The following WWOX variants were observed in gnomAD, a reference collection of about 807,000 sequenced individuals.
WWOX encodes the protein WW domain containing oxidoreductase.
A neutral mutation model predicts 46.2 loss-of-function variants in WWOX; 69 were observed. The observed-to-expected ratio is 1.49, with a 90% CI of 1.23 to 1.82. WWOX has a LOEUF of 1.82. Among genes scored for constraint, WWOX ranks in the 40% most tolerant of loss-of-function variants. The pLI, the probability that WWOX is intolerant of heterozygous loss-of-function variation, is 0.00. For missense variants in WWOX, 919 were observed against 542.6 expected, an observed-to-expected ratio of 1.69 and a Z score of -6.89; for synonymous variants, 359 against 202.6, an observed-to-expected ratio of 1.77 and a Z score of -6.56.
At chr16:79,071,279 G>A (rs553489668) in intron 8 of WWOX, among the ~76,000 whole-genome samples, 4 of 152,276 alleles carry the variant, frequency 2.6e-5, no homozygotes, top group African/African-American at 4.8e-5. Context: ...TTGACAACCT[G>A]ACAATGACTT....
At chr16:78,215,023 C>T (rs533694812) in intron 5 of WWOX, among the ~76,000 whole-genome samples, 11 of 152,144 alleles carry the variant, frequency 7.2e-5, no homozygotes, top group African/African-American at 2.6e-4. Context: ...CAATATGGGC[C>T]AAAGTTCAGT....
intron 6 of WWOX, among the ~76,000 whole-genome samples, chr16:78,394,305 C>T (rs1381917237): frequency 6.6e-6 from 1 of 152,098 alleles, no homozygotes; most frequent in Non-Finnish European, 1.5e-5. Flanking sequence ...CAGTTTTTTG[C>T]TCTAATGAAT....
chr16:78,624,928 T>A (rs1243765187), intron 8 of WWOX, among the ~76,000 whole-genome samples: 2 of 152,182 alleles, frequency 1.3e-5, no homozygotes, highest in African/African-American at 4.8e-5. Context: ...AAAACCCTGT[T>A]CATTTTACCT....
At chr16:79,074,488 G>A (rs2048616713) in intron 8 of WWOX, among the ~76,000 whole-genome samples, 1 of 136,592 alleles carries the variant, frequency 7.3e-6, no homozygotes, top group South Asian at 2.4e-4. Context: ...CCATCAATGG[G>A]CAGTGTGGGG....
intron 8 of WWOX, among the ~76,000 whole-genome samples, chr16:78,613,194 C>T (rs1000140349): frequency 7.9e-5 from 12 of 152,128 alleles, no homozygotes; most frequent in Admixed American, 5.2e-4. Context: ...CCCATCACCC[C>T]GATCACATGA....
chr16:78,726,589 A>G (rs574172392), intron 8 of WWOX, among the ~76,000 whole-genome samples: 1 of 152,288 alleles, frequency 6.6e-6, no homozygotes, highest in South Asian at 2.1e-4. Context: ...TAGTAGGTAA[A>G]TTAATGGAGG....
intron 8 of WWOX, among the ~76,000 whole-genome samples, chr16:78,534,215 G>A (rs749195217): frequency 2.6e-5 from 4 of 152,172 alleles, no homozygotes; most frequent in African/African-American, 4.8e-5. Flanking sequence ...TCTGAGTCTT[G>A]TCAAATACCA....
chr16:78,256,254 C>T (rs574724618), intron 5 of WWOX, among the ~76,000 whole-genome samples: 67 of 151,636 alleles, frequency 4.4e-4, no homozygotes, highest in African/African-American at 1.5e-3. Flanking sequence ...CTGTCTACCA[C>T]ACCATGAGAC....
At chr16:78,370,918 T>C (rs1042349720) in intron 5 of WWOX, among the ~76,000 whole-genome samples, 1 of 151,920 alleles carries the variant, frequency 6.6e-6, no homozygotes, top group East Asian at 1.9e-4. Flanking sequence ...TTTCTAAAAA[T>C]TTTGTTTCCT....
intron 8 of WWOX, among the ~76,000 whole-genome samples, chr16:78,961,505 G>C (rs1234539448): frequency 6.6e-6 from 1 of 152,002 alleles, no homozygotes; most frequent in African/African-American, 2.4e-5. Flanking sequence ...GGATGCGTGG[G>C]TGTGTGGAAT....
At chr16:79,028,132 G>C (rs2047682378) in intron 8 of WWOX, among the ~76,000 whole-genome samples, 1 of 151,666 alleles carries the variant, frequency 6.6e-6, no homozygotes, top group Non-Finnish European at 1.5e-5. Flanking sequence ...TGTATTTTCA[G>C]CAGAGACGGG....
At chr16:78,459,286 G>C (rs2083897618) in intron 8 of WWOX, among the ~76,000 whole-genome samples, 1 of 152,142 alleles carries the variant, frequency 6.6e-6, no homozygotes, top group Non-Finnish European at 1.5e-5. Flanking sequence ...TTTTCACCAG[G>C]CTCCAAGAAA....
chr16:78,470,180 C>T (rs903977002), intron 8 of WWOX, among the ~76,000 whole-genome samples: 2 of 152,160 alleles, frequency 1.3e-5, no homozygotes, highest in African/African-American at 4.8e-5. Flanking sequence ...CTGCTGTTGT[C>T]TGCACAAAGC....
At chr16:78,888,687 G>C (rs542378554) in intron 8 of WWOX, among the ~76,000 whole-genome samples, 1 of 152,156 alleles carries the variant, frequency 6.6e-6, no homozygotes, top group African/African-American at 2.4e-5. Context: ...CTTGTGGCTG[G>C]ATGTAGAATC....
chr16:79,189,027 CAG>C (rs2051075259), intron 8 of WWOX, among the ~76,000 whole-genome samples: 1 of 151,906 alleles, frequency 6.6e-6, no homozygotes. Flanking sequence ...GAAGAGTTGA[CAG>C]AGATTTGCAG....
intron 5 of WWOX, among the ~76,000 whole-genome samples, chr16:78,175,465 A>T (rs141516209): frequency 6.6e-6 from 1 of 152,226 alleles, no homozygotes; most frequent in East Asian, 1.9e-4. Context: ...ATGGCCGGGT[A>T]TGACTCCTGA....
intron 8 of WWOX, among the ~76,000 whole-genome samples, chr16:78,836,630 A>G (rs888330000): frequency 1.4e-4 from 21 of 152,126 alleles, no homozygotes; most frequent in African/African-American, 3.6e-4. Context: ...AATTCTTGCT[A>G]CCATCCTTGA....
chr16:78,917,991 C>G (rs1005677288), intron 8 of WWOX, among the ~76,000 whole-genome samples: 2 of 152,086 alleles, frequency 1.3e-5, no homozygotes. Context: ...CACTTGAGGC[C>G]AGGAGTTTGA....
Position 79,137,313 on chromosome 16 carries a change from G to C in WWOX, c.1057-74295G>C, listed in dbSNP as rs909439012. On this transcript the variant is annotated intron_variant, in intron 8 of 8. Coordinates refer to ENST00000566780, the MANE Select transcript of WWOX (RefSeq NM_016373.4). ...ACATGGAGAACGAGCTGAGGAGCTT[G>C]ACAATCTTGGCAAGGCTTATCAAAA... Among the ~76,000 whole-genome samples the C allele has an allele frequency of 2.6e-5, 4 of 152,314 alleles. No homozygotes were observed. In the Middle Eastern group the frequency reaches 0.014, roughly 518 times the overall value.
Sources: allele counts gnomAD v4.1 joint callset (sites outside exome capture counted in the v4.1 genomes callset), GRCh38; gene constraint gnomAD v4.1.1; transcripts MANE v1.5; gene names NCBI Gene and HGNC (gene_info 2026-07-23, HGNC 2026-07-21).